The following ZNF471 variants were observed in gnomAD, a reference collection of about 807,000 sequenced individuals.
ZNF471 encodes the protein EZFIT-related protein 1.
ZNF471 carries 7 observed loss-of-function variants against 13.7 expected under a neutral mutation model. The observed-to-expected ratio is 0.51, with a 90% confidence interval of 0.29 to 0.96. The LOEUF is 0.96. ZNF471 is among the 40% of genes least tolerant of loss of function. The pLI is 0.08. For synonymous variants in ZNF471, 218 were observed against 235.6 expected, an observed-to-expected ratio of 0.93 and a Z score of 0.68; for missense variants, 663 against 743.3, an observed-to-expected ratio of 0.89 and a Z score of 1.26.
intron 1 of ZNF471, chr19:56,509,893 T>G (rs2147900288): frequency 1.0e-6 from 1 of 985,376 alleles, no homozygotes; most frequent in Non-Finnish European, 1.2e-6. Context: ...GACCAGGGTA[T>G]ATCAATGTGT....
rs1489590231 is a variant in ZNF471, at chr19:56,516,375, A to G, written c.134A>G (p.Glu45Gly). The G allele has an allele frequency of 6.8e-6, 11 of 1,613,628 alleles. 1 individual carries two copies. The South Asian group carries it at 1.2e-4, about 18-fold the overall frequency. Reference protein sequence around the residue: ...QKRLYRSMMLENYQSLVSLGL... With the variant: ...QKRLYRSMMLGNYQSLVSLGL... Reference sequence around the variant, plus strand: ...CGTTTATACAGGAGTATGATGTTGGAGAACTATCAGAGCCTGGTATCACTT... The same window carrying G: ...CGTTTATACAGGAGTATGATGTTGGGGAACTATCAGAGCCTGGTATCACTT... Residue 45 changes from glutamate (E) to glycine (G), a missense_variant, in exon 3 of 5, where the codon GAG (glutamate) becomes GGG (glycine). Coordinates refer to ENST00000308031, the MANE Select transcript of ZNF471 (RefSeq NM_020813.4). The surrounding 1 kb of genome is among the most constrained non-coding windows in gnomAD (Gnocchi z 4.4).
At chr19:56,518,784 G>T (rs569498336) in intron 4 of ZNF471, among the ~76,000 whole-genome samples, 9 of 152,172 alleles carry the variant, frequency 5.9e-5, no homozygotes, top group African/African-American at 2.2e-4. Flanking sequence ...CTAATATTCT[G>T]TAGAGATTAG....
Position 56,526,916 on chromosome 19 carries a change from T to G in ZNF471, c.*968T>G, listed in dbSNP as rs978534569. 1 of 152,480 alleles carries G rather than the reference T, an allele frequency of 6.6e-6. No individual in the cohort carries two copies. Among genetic ancestry groups the G allele is most frequent in the Admixed American group, 6.5e-5 (1 of 15,284 alleles). The allele number at this position is 152,480 out of a possible 1,614,324, so 9.4% of individuals were successfully genotyped here. ...GGCTGTGGGCACAGCTTCAGCAGAC[T>G]TAAACATTCCTGCCTGCCAGCTCTG... On this transcript the variant is annotated 3_prime_UTR_variant, in exon 5 of 5. Coordinates refer to ENST00000308031, the MANE Select transcript of ZNF471 (RefSeq NM_020813.4).
At chr19:56,513,844 C>T (rs61159046) in intron 2 of ZNF471, among the ~76,000 whole-genome samples, 3,413 of 151,906 alleles carry the variant, frequency 0.022, 114 homozygotes, top group African/African-American at 0.076. Flanking sequence ...AGAAGGTCTA[C>T]TTAAAAAATA....
rs1315325723 is a variant in ZNF471 at position 56,524,921 on chromosome 19, C to G, written c.854C>G (p.Thr285Ser). 6.2e-7 allele frequency: 1 copy of G among 1,613,584 alleles called. No individual in the cohort carries two copies. Among genetic ancestry groups the G allele is most frequent in the South Asian group, 1.1e-5 (1 of 90,948 alleles). Residue 285 changes from threonine (T) to serine (S), a missense_variant, in exon 5 of 5, where the codon ACT (threonine) becomes AGT (serine). Thr to Ser is a moderately conservative substitution (Grantham distance 58, BLOSUM62 1). Coordinates refer to ENST00000308031, the MANE Select transcript of ZNF471 (RefSeq NM_020813.4). The surrounding 1 kb of genome is among the most constrained non-coding windows in gnomAD (Gnocchi z 4.8). ...EHLIQHQRIH[T>S]GEKPYKCKEC... ...CTTATTCAGCATCAAAGAATTCATA[C>G]TGGAGAAAAACCATATAAATGTAAG...
At position 56,525,538 on chromosome 19, in the gene ZNF471, G is replaced by T; in HGVS notation, c.1471G>T (p.Glu491Ter). The change falls in exon 5 of 5, where the codon GAA becomes TAA. Residue 491 changes from glutamate (E) to a stop codon, truncating the protein, a stop_gained. Coordinates refer to ENST00000308031, the MANE Select transcript of ZNF471 (RefSeq NM_020813.4). LOFTEE classifies it low-confidence loss of function (END_TRUNC). ...HTGEKPYECK[E>*]CGKAFRISSQ... The stretch of plus-strand genomic sequence containing the variant: ...TGGTGAAAAACCCTATGAATGTAAA[G>T]AATGTGGAAAAGCTTTTAGAATCAG... 6.2e-7 allele frequency: 1 copy of T among 1,614,086 alleles called. No individual in the cohort carries two copies. Among genetic ancestry groups the T allele is most frequent in the Non-Finnish European group, 8.5e-7 (1 of 1,180,022 alleles).
At chr19:56,511,197 A>ATT (rs1600505186) in intron 1 of ZNF471, among the ~76,000 whole-genome samples, 1 of 151,678 alleles carries the variant, frequency 6.6e-6, no homozygotes, top group East Asian at 1.9e-4. Flanking sequence ...CAAGAAGAGA[A>ATT]TGACTCCACC....
In ZNF471 at chr19:56,529,447, C is replaced by T. The variant is rs2044083814; in HGVS notation, c.*3499C>T. 1 of 152,038 alleles carries T rather than the reference C, an allele frequency of 6.6e-6. No homozygotes were observed. The highest frequency in any genetic ancestry group is 1.5e-5 in the Non-Finnish European group (1 of 68,036). The allele number at this position is 152,038 out of a possible 1,614,324, so 9.4% of individuals were successfully genotyped here. ...AGGTCTTTGATAAGCAGGACAAGGT[C>T]CAGAAGCCATGAAGAGAGAATGACA... On this transcript the variant is annotated 3_prime_UTR_variant, in exon 5 of 5. Transcript: ENST00000308031.
chr19:56,528,182 T>C lies in ZNF471; in HGVS notation c.*2234T>C, dbSNP rs1568478732. The C allele has an allele frequency of 6.6e-6, 1 of 152,160 alleles. No homozygotes were observed. The highest frequency in any genetic ancestry group is 1.5e-5 in the Non-Finnish European group (1 of 68,032). 9.4% of individuals were successfully genotyped at this position (152,160 alleles called of 1,614,324 possible). On this transcript the variant is annotated 3_prime_UTR_variant, in exon 5 of 5. Transcript: ENST00000308031. ...TTCATCCTCTTTTGTCCCTTTCGAGTTAACATTACAGCCACAGTGACCTTT... is the reference window on the plus strand; with the variant it reads ...TTCATCCTCTTTTGTCCCTTTCGAGCTAACATTACAGCCACAGTGACCTTT...
At position 56,508,721 on chromosome 19, in the gene ZNF471, A is replaced by C. The variant is rs1221572386; in HGVS notation, c.-56+801A>C. ...GGGTGTTTTGGGTGAAAGACCCGTC[A>C]GTGTGTGAGGCCGTGTTATGTGTGT... On this transcript the variant is annotated intron_variant, in intron 1 of 4. Transcript: ENST00000308031. This position sits in a 1 kb window ranked among gnomAD's most constrained non-coding sequence, Gnocchi z 4.7. Among the ~76,000 whole-genome samples the C allele has an allele frequency of 2.0e-5, 3 of 151,600 alleles. No individual in the cohort carries two copies. Among genetic ancestry groups the C allele is most frequent in the Non-Finnish European group, 2.9e-5 (2 of 67,928 alleles).
Position 56,508,004 on chromosome 19 carries a change from C to T in ZNF471, c.-56+84C>T. On this transcript the variant is annotated intron_variant, in intron 1 of 4. Transcript: ENST00000308031. This position sits in a 1 kb window ranked among gnomAD's most constrained non-coding sequence, Gnocchi z 4.7. ...AGGCGGGCGGCTCCGACGCGGGTCG[C>T]GAAGGCCCAGCCGCGTCCTCTGTCC... The T allele has an allele frequency of 2.0e-6, 2 of 985,846 alleles. No individual in the cohort carries two copies. Among genetic ancestry groups the T allele is most frequent in the Non-Finnish European group, 2.4e-6 (2 of 830,256 alleles). 61.1% of individuals were successfully genotyped at this position (985,846 alleles called of 1,614,324 possible).
In ZNF471 at chr19:56,510,063, A is replaced by G. The variant is rs1266732412; in HGVS notation, c.-55-1454A>G. On this transcript the variant is annotated intron_variant, in intron 1 of 4. Transcript: ENST00000308031. This position sits in a 1 kb window ranked among gnomAD's most constrained non-coding sequence, Gnocchi z 4.3. ...GTTGGTGTGAGTGTGTGAGAGACCA[A>G]TGGGTATGTGAGAGACTAGAGTATG... The G allele has an allele frequency of 5.1e-6, 5 of 985,472 alleles. No individual in the cohort carries two copies. Among genetic ancestry groups the G allele is most frequent in the Admixed American group, 6.2e-5 (1 of 16,250 alleles). 61.0% of individuals were successfully genotyped at this position (985,472 alleles called of 1,614,324 possible).
chr19:56,525,999 TAATC>T lies in ZNF471; in HGVS notation c.*53_*56del. ...TTAGTTATCACCAATCCCCTACTGT[TAATC>T]AGAGATGTCCCACTGGATAAAAAAC... On this transcript the variant is annotated 3_prime_UTR_variant, in exon 5 of 5. Transcript: ENST00000308031. The T allele has an allele frequency of 1.4e-6, 2 of 1,460,602 alleles. No individual in the cohort carries two copies. The highest frequency in any genetic ancestry group is 2.9e-5 in the South Asian group (2 of 69,686). The allele number at this position is 1,460,602 out of a possible 1,614,324, so 90.5% of individuals were successfully genotyped here. A position where few individuals can be genotyped will look rare whatever the true frequency, so the allele number is the denominator to read the frequency against.
chr19:56,526,345 G>A lies in ZNF471; in HGVS notation c.*397G>A, dbSNP rs146826558. On this transcript the variant is annotated 3_prime_UTR_variant, in exon 5 of 5. Transcript: ENST00000308031. Reference sequence around the variant, plus strand: ...TGGTGCACTCCGGCACAGATACTACGCTTTTCCCATGGTCTTCGCAACCCA... The same window carrying A: ...TGGTGCACTCCGGCACAGATACTACACTTTTCCCATGGTCTTCGCAACCCA... The A allele has an allele frequency of 1.1e-3, 178 of 164,932 alleles. 1 individual carries two copies. In the East Asian group the frequency reaches 0.03, roughly 28 times the overall value. 10.2% of individuals were successfully genotyped at this position (164,932 alleles called of 1,614,324 possible).
intron 2 of ZNF471, among the ~76,000 whole-genome samples, chr19:56,513,364 T>C (rs1300868225): frequency 6.6e-6 from 1 of 152,250 alleles, no homozygotes; most frequent in African/African-American, 2.4e-5. Context: ...TTTAAGTCAG[T>C]GTTCAGCGTA....
chr19:56,520,256 C>T (rs2043951315), intron 4 of ZNF471, among the ~76,000 whole-genome samples: 2 of 152,074 alleles, frequency 1.3e-5, no homozygotes, highest in South Asian at 4.2e-4. Context: ...GATGCTGAGT[C>T]AATGTGTAGA....
chr19:56,509,838 C>G (rs1353623838), intron 1 of ZNF471: 1 of 984,544 alleles, frequency 1.0e-6, no homozygotes, highest in Non-Finnish European at 1.2e-6. Flanking sequence ...TCTTTGTCAC[C>G]TGAGTGTGTT....
At chr19:56,513,490 GCTTTAATTCTCT>G (rs1257387604) in intron 2 of ZNF471, among the ~76,000 whole-genome samples, 1 of 150,594 alleles carries the variant, frequency 6.6e-6, no homozygotes, top group Non-Finnish European at 1.5e-5. Context: ...TGTCACTTAT[GCTTTAATTCTCT>G]CTTTAATTCT....
At chr19:56,511,867 A>T (rs184956104) in intron 2 of ZNF471, among the ~76,000 whole-genome samples, 1 of 152,212 alleles carries the variant, frequency 6.6e-6, no homozygotes, top group African/African-American at 2.4e-5. Context: ...AAAAGACTTG[A>T]TTTATGTTGT....
Sources: gnomAD v4.1 joint callset for allele counts (sites outside exome capture counted in the v4.1 genomes callset) on GRCh38, gnomAD v4.1.1 for gene constraint, Gnocchi (gnomAD v3.1) non-coding constraint, MANE v1.5 for transcripts, NCBI Gene and HGNC (gene_info 2026-07-23, HGNC 2026-07-21) for gene names.